ZNF385B: variants seen among roughly 807,000 people sequenced by gnomAD.
The protein encoded by ZNF385B is zinc finger protein 533.
A neutral mutation model predicts 39.2 loss-of-function variants in ZNF385B; 23 were observed. That is an observed-to-expected ratio of 0.59 (90% CI 0.42 to 0.83). The LOEUF (loss-of-function observed/expected upper bound fraction) is 0.83. ZNF385B is among the 40% of genes least tolerant of loss of function. The probability of loss-of-function intolerance (pLI) is 0.00; values close to 1 mark genes in which losing one functional copy is unlikely to be tolerated. For missense variants in ZNF385B, 552 were observed against 598.9 expected, an observed-to-expected ratio of 0.92 and a Z score of 0.82; for synonymous variants, 205 against 222.6, an observed-to-expected ratio of 0.92 and a Z score of 0.70.
At chr2:179,721,220 T>C (rs531371125) in intron 3 of ZNF385B, among the ~76,000 whole-genome samples, 1 of 152,254 alleles carries the variant, frequency 6.6e-6, no homozygotes, top group African/African-American at 2.4e-5. Flanking sequence ...TAGAGATGTT[T>C]CAAAATTTTA....
chr2:179,856,046 A>G (rs1034453280), intron 1 of ZNF385B, among the ~76,000 whole-genome samples: 1 of 152,114 alleles, frequency 6.6e-6, no homozygotes. Context: ...GGAAAGGGGG[A>G]GATTTTTAAA....
At chr2:179,677,665 G>A (rs887078515) in intron 3 of ZNF385B, among the ~76,000 whole-genome samples, 1 of 152,146 alleles carries the variant, frequency 6.6e-6, no homozygotes, top group African/African-American at 2.4e-5. Flanking sequence ...GAGATGGGAA[G>A]GGCAGAGCCA....
At chr2:179,475,040 A>G (rs1483154855) in intron 6 of ZNF385B, among the ~76,000 whole-genome samples, 1 of 152,180 alleles carries the variant, frequency 6.6e-6, no homozygotes, top group Non-Finnish European at 1.5e-5. Flanking sequence ...AAGAGCAAGG[A>G]GTATCAAAGA....
chr2:179,760,219 T>TGTGTGC (rs200273300), intron 3 of ZNF385B, among the ~76,000 whole-genome samples: 24 of 114,140 alleles, frequency 2.1e-4, no homozygotes, highest in Non-Finnish European at 3.1e-4. Flanking sequence ...TGGATTCCTG[T>TGTGTGC]GTGCGTGTGT....
intron 3 of ZNF385B, among the ~76,000 whole-genome samples, chr2:179,728,160 G>A (rs1184698416): frequency 6.6e-6 from 1 of 152,048 alleles, no homozygotes; most frequent in Non-Finnish European, 1.5e-5. Flanking sequence ...TCTGAATGTA[G>A]TTATCTCAAT....
intron 3 of ZNF385B, among the ~76,000 whole-genome samples, chr2:179,667,264 T>C (rs1178689347): frequency 6.6e-6 from 1 of 152,196 alleles, no homozygotes; most frequent in Non-Finnish European, 1.5e-5. Context: ...AATAGCCATA[T>C]AGTATCGAGT....
At chr2:179,673,016 T>C (rs1166171000) in intron 3 of ZNF385B, among the ~76,000 whole-genome samples, 2 of 152,178 alleles carry the variant, frequency 1.3e-5, no homozygotes, top group Non-Finnish European at 2.9e-5. Flanking sequence ...CAGAGAAATC[T>C]ACTCAACAGC....
At chr2:179,823,427 G>A (rs1707514121) in intron 1 of ZNF385B, among the ~76,000 whole-genome samples, 1 of 151,972 alleles carries the variant, frequency 6.6e-6, no homozygotes, top group Non-Finnish European at 1.5e-5. Flanking sequence ...ATCCTCCTTT[G>A]CCTTTTGTCA....
At chr2:179,755,948 G>A (rs1702987299) in intron 3 of ZNF385B, among the ~76,000 whole-genome samples, 1 of 152,112 alleles carries the variant, frequency 6.6e-6, no homozygotes, top group South Asian at 2.1e-4. Context: ...GGTTAATATT[G>A]TTATGTGTGA....
intron 5 of ZNF385B, among the ~76,000 whole-genome samples, chr2:179,514,933 C>G (rs1416129458): frequency 1.3e-5 from 2 of 152,192 alleles, no homozygotes; most frequent in Non-Finnish European, 2.9e-5. Context: ...TGTGCACAAT[C>G]ACGCCTGGCT....
At chr2:179,496,728 A>G (rs1297796359) in intron 5 of ZNF385B, among the ~76,000 whole-genome samples, 2 of 152,216 alleles carry the variant, frequency 1.3e-5, no homozygotes, top group African/African-American at 4.8e-5. Context: ...ATCCTAGAAT[A>G]GTCTATCTGA....
chr2:179,727,940 G>T (rs955010681), intron 3 of ZNF385B, among the ~76,000 whole-genome samples: 1 of 152,036 alleles, frequency 6.6e-6, no homozygotes, highest in African/African-American at 2.4e-5. Flanking sequence ...ATGTTTAATA[G>T]TAAAATGCAT....
intron 6 of ZNF385B, among the ~76,000 whole-genome samples, chr2:179,461,237 G>C (rs2051307478): frequency 1.3e-5 from 2 of 152,276 alleles, no homozygotes; most frequent in East Asian, 3.9e-4. Flanking sequence ...TGCTGAGTAG[G>C]GGAGAGAGAT....
intron 3 of ZNF385B, among the ~76,000 whole-genome samples, chr2:179,749,616 TC>T (rs1005467475): frequency 3.3e-5 from 5 of 151,880 alleles, no homozygotes; most frequent in African/African-American, 1.2e-4. Flanking sequence ...AATACATTCA[TC>T]CCCCCAGTGG....
chr2:179,591,758 T>C (rs1574925086), intron 3 of ZNF385B, among the ~76,000 whole-genome samples: 1 of 152,256 alleles, frequency 6.6e-6, no homozygotes, highest in East Asian at 1.9e-4. Flanking sequence ...ATGTGTGGAC[T>C]GTCCTCATTA....
intron 3 of ZNF385B, among the ~76,000 whole-genome samples, chr2:179,620,510 C>G (rs1420537779): frequency 6.6e-6 from 1 of 151,342 alleles, no homozygotes; most frequent in Non-Finnish European, 1.5e-5. Flanking sequence ...CTATGGAGGC[C>G]ACAAAGATGA....
rs375512682 is a variant in ZNF385B, at chr2:179,490,494, T to C, written c.553-7060A>G. 1.1e-3 allele frequency among the ~76,000 whole-genome samples: 168 copies of C among 152,210 alleles called. 1 individual carries two copies. Among genetic ancestry groups the C allele is most frequent in the African/African-American group, 3.6e-3 (150 of 41,522 alleles). On this transcript the variant is annotated intron_variant, in intron 5 of 9. Coordinates refer to ENST00000410066, the MANE Select transcript of ZNF385B (RefSeq NM_152520.6). Reference sequence around the variant, plus strand: ...GCTCATGTTTCTTGCCCATGACTCATTGGTGGAATTACTTACACACAGAAA... The same window carrying C: ...GCTCATGTTTCTTGCCCATGACTCACTGGTGGAATTACTTACACACAGAAA...
At chr2:179,731,789 A>C (rs1227856941) in intron 3 of ZNF385B, among the ~76,000 whole-genome samples, 1 of 152,224 alleles carries the variant, frequency 6.6e-6, no homozygotes, top group Non-Finnish European at 1.5e-5. Context: ...CCTGTTTCTA[A>C]AATAAACAAA....
At chr2:179,814,378 A>T in intron 1 of ZNF385B, 1 of 322,144 alleles carries the variant, frequency 3.1e-6, no homozygotes, top group South Asian at 2.7e-5. Flanking sequence ...AAAATGGATA[A>T]GGTCTTGTAC....
Sources: allele counts gnomAD v4.1 joint callset (sites outside exome capture counted in the v4.1 genomes callset), GRCh38; gene constraint gnomAD v4.1.1; transcripts MANE v1.5; gene names NCBI Gene and HGNC (gene_info 2026-07-23, HGNC 2026-07-21).